Variants in FYB1 observed in about 807,000 individuals in gnomAD.
FYB1 encodes the protein FYN-binding protein 1.
FYB1 carries 41 observed loss-of-function variants against 94.1 expected under a neutral mutation model. The observed-to-expected ratio is 0.44, with a 90% CI of 0.34 to 0.57. FYB1 has a LOEUF of 0.57. Ranked by LOEUF, FYB1 falls within the 20% of genes least tolerant of loss-of-function variation. The pLI is 0.02. For synonymous variants in FYB1, 367 were observed against 353.2 expected (o/e 1.04, Z -0.44); for missense variants, 1,050 against 976.8 (o/e 1.07, Z -1.00).
intron 1 of FYB1, among the ~76,000 whole-genome samples, chr5:39,270,075 G>A (rs1752607721): frequency 6.6e-6 from 1 of 152,100 alleles, no homozygotes; most frequent in South Asian, 2.1e-4. Flanking sequence ...TTAAGGTTAA[G>A]ACTGTTTGGG....
intron 2 of FYB1, among the ~76,000 whole-genome samples, chr5:39,158,065 T>G (rs1256730830): frequency 1.3e-5 from 2 of 152,200 alleles, no homozygotes; most frequent in Non-Finnish European, 2.9e-5. Flanking sequence ...TTGGTTGTAT[T>G]TATATTAGGG....
chr5:39,236,823 C>T (rs557654772), intron 1 of FYB1, among the ~76,000 whole-genome samples: 2 of 152,174 alleles, frequency 1.3e-5, no homozygotes, highest in African/African-American at 2.4e-5. Context: ...AATTGCTTGA[C>T]CTGAGTTTCA....
At chr5:39,154,134 C>G (rs1237620741) in intron 2 of FYB1, among the ~76,000 whole-genome samples, 2 of 152,122 alleles carry the variant, frequency 1.3e-5, no homozygotes. Flanking sequence ...TGTATATACG[C>G]ATAACACACA....
intron 1 of FYB1, among the ~76,000 whole-genome samples, chr5:39,226,058 T>G (rs1750458336): frequency 6.6e-6 from 1 of 152,152 alleles, no homozygotes; most frequent in Non-Finnish European, 1.5e-5. Context: ...CCTGGCTAGG[T>G]AACCACATAA....
intron 2 of FYB1, among the ~76,000 whole-genome samples, chr5:39,166,154 C>T (rs1580437180): frequency 6.6e-6 from 1 of 152,060 alleles, no homozygotes; most frequent in African/African-American, 2.4e-5. Flanking sequence ...GAAAAGAAAT[C>T]GGCCAGGAGC....
At chr5:39,181,858 C>T (rs577941675) in intron 2 of FYB1, among the ~76,000 whole-genome samples, 1 of 152,284 alleles carries the variant, frequency 6.6e-6, no homozygotes, top group East Asian at 1.9e-4. Flanking sequence ...TGATCTCCTA[C>T]TTCCTTTTTT....
At position 39,209,861 on chromosome 5, in the gene FYB1, TGGA is replaced by T. The variant is rs1429476494; in HGVS notation, c.-27-6877_-27-6875del. ...CCTTGATTGGTCATACAGATGGGAG[TGGA>T]GGAGATGATTTTCTTAGCTCCTTTG... On this transcript the variant is annotated intron_variant, in intron 1 of 18. Coordinates refer to ENST00000512982, the MANE Select transcript of FYB1 (RefSeq NM_001465.6). Among the ~76,000 whole-genome samples the T allele has an allele frequency of 6.6e-5, 10 of 152,160 alleles. No homozygotes were observed. The East Asian group carries it at 1.7e-3, about 27-fold the overall frequency.
intron 1 of FYB1, among the ~76,000 whole-genome samples, chr5:39,239,178 A>T (rs1421098): frequency 0.063 from 9,573 of 152,198 alleles, 870 homozygotes; most frequent in East Asian, 0.21. Context: ...AATAAGCGGC[A>T]TCTATGGCCA....
intron 2 of FYB1, among the ~76,000 whole-genome samples, chr5:39,161,073 G>T (rs1348028387): frequency 6.6e-6 from 1 of 152,134 alleles, no homozygotes; most frequent in Admixed American, 6.5e-5. Context: ...CTGTTTGTAC[G>T]CAGAGCACTG....
At chr5:39,228,665 C>T (rs959673177) in intron 1 of FYB1, among the ~76,000 whole-genome samples, 3 of 152,000 alleles carry the variant, frequency 2.0e-5, no homozygotes, top group South Asian at 2.1e-4. Context: ...TTTTTGATAC[C>T]GTATTTCCCC....
chr5:39,256,892 T>A (rs1252670209), intron 1 of FYB1, among the ~76,000 whole-genome samples: 3 of 152,342 alleles, frequency 2.0e-5, no homozygotes, highest in African/African-American at 7.2e-5. Context: ...TATTTCAAAG[T>A]TGCAATGAGT....
intron 1 of FYB1, among the ~76,000 whole-genome samples, chr5:39,234,335 A>T (rs1047642097): frequency 3.9e-5 from 6 of 152,150 alleles, no homozygotes; most frequent in African/African-American, 1.4e-4. Flanking sequence ...TTATAAATAT[A>T]AAAGTATTTA....
chr5:39,165,631 G>A (rs1409662146), intron 2 of FYB1, among the ~76,000 whole-genome samples: 2 of 152,078 alleles, frequency 1.3e-5, no homozygotes, highest in Non-Finnish European at 2.9e-5. Context: ...ACCAAAAATA[G>A]ACAAATGGGA....
At chr5:39,144,964 A>AT (rs560168482) in intron 3 of FYB1, among the ~76,000 whole-genome samples, 5 of 152,136 alleles carry the variant, frequency 3.3e-5, no homozygotes, top group Non-Finnish European at 5.9e-5. Context: ...CACAGAATCT[A>AT]TTTTTTTAGG....
chr5:39,109,501 C>A (rs879631164), intron 17 of FYB1, among the ~76,000 whole-genome samples: 3 of 151,942 alleles, frequency 2.0e-5, no homozygotes, highest in Non-Finnish European at 4.4e-5. Flanking sequence ...CTCTTGCCTC[C>A]CACTGTGATT....
intron 2 of FYB1, among the ~76,000 whole-genome samples, chr5:39,171,568 C>G (rs1382092493): frequency 6.6e-6 from 1 of 152,136 alleles, no homozygotes; most frequent in African/African-American, 2.4e-5. Context: ...ACACATGTCT[C>G]ATTTGAAGTT....
chr5:39,197,017 A>G (rs1445018698), intron 2 of FYB1, among the ~76,000 whole-genome samples: 1 of 152,232 alleles, frequency 6.6e-6, no homozygotes, highest in Non-Finnish European at 1.5e-5. Flanking sequence ...GATGGAGGGT[A>G]TATCTGGGGA....
At chr5:39,159,018 G>A (rs17380048) in intron 2 of FYB1, among the ~76,000 whole-genome samples, 401 of 152,072 alleles carry the variant, frequency 2.6e-3, no homozygotes, top group Admixed American at 4.6e-3. Flanking sequence ...GGGAGTAATC[G>A]AGCCCTAACT....
intron 2 of FYB1, among the ~76,000 whole-genome samples, chr5:39,158,981 G>A (rs1408698168): frequency 6.6e-6 from 1 of 152,132 alleles, no homozygotes; most frequent in Non-Finnish European, 1.5e-5. Flanking sequence ...TAATCTCCAT[G>A]TGATTTAGTT....
Sources: allele counts gnomAD v4.1 joint callset (sites outside exome capture counted in the v4.1 genomes callset), GRCh38; gene constraint gnomAD v4.1.1; transcripts MANE v1.5; gene names NCBI Gene and HGNC (gene_info 2026-07-23, HGNC 2026-07-21).